Variants in NPIPB2 observed in about 807,000 individuals in gnomAD.
The protein encoded by NPIPB2 is nuclear pore complex interacting protein family member B2.
In NPIPB2, 27 loss-of-function variants were observed where a neutral mutation model predicts 30.8. The ratio of observed to expected loss-of-function variants is 0.88; its 90% CI spans 0.65 to 1.21. The LOEUF (loss-of-function observed/expected upper bound fraction) is 1.21. Among genes scored for constraint, NPIPB2 ranks in the 50% most tolerant of loss-of-function variants. The pLI, the probability that NPIPB2 is intolerant of heterozygous loss-of-function variation, is 0.00. For missense variants in NPIPB2, 440 were observed against 446.2 expected, an observed-to-expected ratio of 0.99 and a Z score of 0.13; for synonymous variants, 147 against 162.0, an observed-to-expected ratio of 0.91 and a Z score of 0.70.
At chr16:11,957,313 T>C (rs2055120145) in intron 1 of NPIPB2, among the ~76,000 whole-genome samples, 1 of 151,868 alleles carries the variant, frequency 6.6e-6, no homozygotes, top group Admixed American at 6.6e-5. Flanking sequence ...TACAGGCGTG[T>C]GACACCACGC....
chr16:11,934,731 C>T (rs1171945174), intron 2 of NPIPB2, among the ~76,000 whole-genome samples: 2 of 147,464 alleles, frequency 1.4e-5, no homozygotes, highest in Non-Finnish European at 3.0e-5. Context: ...TGGTGATGCA[C>T]GCCTGTAGCC....
At chr16:11,972,790 G>A (rs1217436033) in intron 1 of NPIPB2, among the ~76,000 whole-genome samples, 1 of 151,316 alleles carries the variant, frequency 6.6e-6, no homozygotes, top group South Asian at 2.1e-4. Context: ...CTTGAACTCA[G>A]GAGATGGAGG....
chr16:11,962,551 G>A (rs899083004), intron 1 of NPIPB2, among the ~76,000 whole-genome samples: 1 of 148,940 alleles, frequency 6.7e-6, no homozygotes, highest in Admixed American at 6.8e-5. Flanking sequence ...GTCGGAGCTT[G>A]CAGTGAGCTG....
At chr16:11,949,882 TTGTC>T (rs2055047387) in intron 1 of NPIPB2, among the ~76,000 whole-genome samples, 1 of 152,180 alleles carries the variant, frequency 6.6e-6, no homozygotes, top group Non-Finnish European at 1.5e-5. Flanking sequence ...GAGATTCTGG[TTGTC>T]TAAGATCTAT....
chr16:11,933,960 C>T lies in NPIPB2; in HGVS notation c.193-36G>A, dbSNP rs569895850. The T allele has an allele frequency of 1.3e-4, 190 of 1,488,456 alleles. 3 individuals carry two copies. The South Asian group carries it at 1.9e-3, about 15-fold the overall frequency. 92.2% of individuals were successfully genotyped at this position (1,488,456 alleles called of 1,614,324 possible). The stretch of plus-strand genomic sequence containing the variant: ...ATAATATAAGAATGACGGCTGGGCA[C>T]GGTGGTTCATGCGTATAATCCCAGT... On this transcript the variant is annotated intron_variant, in intron 2 of 7. Transcript: ENST00000399147.
chr16:11,944,280 G>T (rs1362730497), upstream of NPIPB2, among the ~76,000 whole-genome samples: 4 of 150,538 alleles, frequency 2.7e-5, no homozygotes, highest in African/African-American at 9.8e-5. Flanking sequence ...AGATTCTCCT[G>T]CTTTAAGTCC....
rs572222743 is a variant in NPIPB2 at position 11,947,223 on chromosome 16, G to A, written c.-583-5109C>T. 2.9e-3 allele frequency among the ~76,000 whole-genome samples: 429 copies of A among 147,810 alleles called. 3 individuals are homozygous for A. The highest frequency in any genetic ancestry group is 0.01 in the African/African-American group (410 of 40,898). ...CCTGCCTCAGCCTCCCAAACTGCTG[G>A]AAGGTGTGAGCCACCATGCCCAGCC... On this transcript the variant is annotated intron_variant, in intron 1 of 5. Coordinates refer to the NPIPB2 transcript ENST00000538896.
At chr16:11,967,757 T>G in intron 1 of NPIPB2, 2 of 1,614,162 alleles carry the variant, frequency 1.2e-6, no homozygotes, top group African/African-American at 2.7e-5. Context: ...GCGCAACCAT[T>G]CTTGTCACCA....
chr16:11,967,603 T>C (rs890198025), intron 1 of NPIPB2: 1 of 1,613,790 alleles, frequency 6.2e-7, no homozygotes, highest in Non-Finnish European at 8.5e-7. Flanking sequence ...AACATTGACC[T>C]GGAAAAGAGC....
At chr16:11,966,530 G>T (rs2055195546) in intron 1 of NPIPB2, among the ~76,000 whole-genome samples, 1 of 152,164 alleles carries the variant, frequency 6.6e-6, no homozygotes, top group Non-Finnish European at 1.5e-5. Flanking sequence ...CACCTTGGCA[G>T]ATTTTCTACA....
chr16:11,951,732 A>G (rs2055067515), intron 1 of NPIPB2, among the ~76,000 whole-genome samples: 1 of 151,896 alleles, frequency 6.6e-6, no homozygotes, highest in African/African-American at 2.4e-5. Context: ...GTATTGATAG[A>G]AACCCCTGGA....
chr16:11,965,421 C>T (rs118120349), intron 1 of NPIPB2: 39 of 1,614,030 alleles, frequency 2.4e-5, no homozygotes, highest in Non-Finnish European at 3.1e-5. Flanking sequence ...TTCTAATACT[C>T]CTCCTCTAAC....
intron 1 of NPIPB2, among the ~76,000 whole-genome samples, chr16:11,961,796 A>T (rs1297033593): frequency 6.6e-6 from 1 of 150,494 alleles, no homozygotes; most frequent in African/African-American, 2.4e-5. Context: ...AAAAAAAAAA[A>T]GGTATGAGCA....
intron 2 of NPIPB2, among the ~76,000 whole-genome samples, chr16:11,934,544 A>G (rs1261844250): frequency 8.6e-6 from 1 of 115,908 alleles, no homozygotes; most frequent in African/African-American, 3.6e-5. Flanking sequence ...CAAAATTGAA[A>G]CTCTGTCTCA....
intron 1 of NPIPB2, among the ~76,000 whole-genome samples, chr16:11,973,677 C>G (rs1338492780): frequency 6.6e-6 from 1 of 150,872 alleles, no homozygotes; most frequent in African/African-American, 2.5e-5. Flanking sequence ...AAGCGATTCT[C>G]CTGCCTCAGC....
chr16:11,934,574 A>AT (rs1244174923), intron 2 of NPIPB2, among the ~76,000 whole-genome samples: 1 of 150,340 alleles, frequency 6.7e-6, no homozygotes, highest in African/African-American at 2.4e-5. Flanking sequence ...AAAAAAAAAA[A>AT]AATAGGCCAG....
intron 1 of NPIPB2, among the ~76,000 whole-genome samples, chr16:11,953,864 C>T (rs558282314): frequency 4.6e-5 from 7 of 151,616 alleles, no homozygotes; most frequent in African/African-American, 9.7e-5. Context: ...TTAGTAGAGA[C>T]GGGATTTCAC....
intron 2 of NPIPB2, among the ~76,000 whole-genome samples, chr16:11,934,553 CAAAAAAA>C (rs1184843851): frequency 6.8e-5 from 5 of 73,016 alleles, no homozygotes; most frequent in African/African-American, 1.2e-4. Flanking sequence ...AACTCTGTCT[CAAAAAAA>C]AAAAAAAAAA....
At chr16:11,933,195 T>C (rs1280060979) in intron 4 of NPIPB2, among the ~76,000 whole-genome samples, 1 of 149,994 alleles carries the variant, frequency 6.7e-6, no homozygotes, top group East Asian at 1.9e-4. Context: ...CAAAAGGCAG[T>C]GAGCTGACAT....
Sources: gnomAD v4.1 joint callset for allele counts (sites outside exome capture counted in the v4.1 genomes callset) on GRCh38, gnomAD v4.1.1 for gene constraint, MANE v1.5 for transcripts, NCBI Gene and HGNC (gene_info 2026-07-23, HGNC 2026-07-21) for gene names.